The following SLC6A12 variants were observed in gnomAD, a reference collection of about 807,000 sequenced individuals.
SLC6A12 encodes the protein sodium- and chloride-dependent betaine transporter.
Under a neutral mutation model 73.3 loss-of-function variants are expected in SLC6A12, and 50 were observed. That is an observed-to-expected ratio of 0.68 (90% CI 0.54 to 0.86). The LOEUF (loss-of-function observed/expected upper bound fraction) is 0.86. SLC6A12 is among the 40% of genes least tolerant of loss of function. SLC6A12 has a pLI of 0.00. For missense variants in SLC6A12, 648 were observed against 772.8 expected (o/e 0.84, Z 1.92); for synonymous variants, 304 against 309.2 (o/e 0.98, Z 0.18).
intron 7 of SLC6A12, chr12:199,893 T>C (rs1451665660): frequency 6.6e-6 from 1 of 152,238 alleles, no homozygotes; most frequent in East Asian, 1.9e-4. Flanking sequence ...ATTATCTTGC[T>C]ATGTTGTTAA....
At chr12:200,106 C>CTT (rs33929668) in intron 7 of SLC6A12, among the ~76,000 whole-genome samples, 209 of 104,518 alleles carry the variant, frequency 2.0e-3, no homozygotes, top group Middle Eastern at 5.7e-3. Context: ...CCTGAATATT[C>CTT]TTTTTTTTTT....
chr12:187,589 C>CAAAAGAGCAAAAAAAAAAAAAAAAAAAAA (rs1939453849), downstream of SLC6A12, among the ~76,000 whole-genome samples: 2 of 106,072 alleles, frequency 1.9e-5, no homozygotes, highest in Admixed American at 1.0e-4. Context: ...TGCAAAAGAG[C>CAAAAGAGCAAAAAAAAAAAAAAAAAAAAA]AAAAAAAAAA....
At position 193,374 on chromosome 12, in the gene SLC6A12, G is replaced by T; in HGVS notation, c.1433C>A (p.Ala478Glu). 2 of 1,612,808 alleles carry T rather than the reference G, an allele frequency of 1.2e-6. No individual in the cohort carries two copies. The highest frequency in any genetic ancestry group is 1.7e-6 in the Non-Finnish European group (2 of 1,179,012). The change falls in exon 14 of 16, where the codon GCG becomes GAG. Residue 478 changes from alanine (A) to glutamate (E), a missense_variant. Coordinates refer to ENST00000684302, the MANE Select transcript of SLC6A12 (RefSeq NM_001122848.3). The part of the protein sequence containing the change: ...EVVCISWVYG[A>E]DRFYDNIEDM... ...CTCAATGTTGTCATAGAAACGGTCC[G>T]CCCCTGAGCAGGCATGGCGTGGGAG...
Position 198,766 on chromosome 12 carries a change from C to A in SLC6A12, c.846+31G>T. On this transcript the variant is annotated intron_variant, in intron 8 of 15. Coordinates refer to ENST00000684302, the MANE Select transcript of SLC6A12 (RefSeq NM_001122848.3). The surrounding 1 kb of genome is among the most constrained non-coding windows in gnomAD (Gnocchi z 4.0). ...CAGACCTGGCTGGGTGGGGAAGGCACCTGGGGAAGTGGTCCCAGCACGGTA... is the reference window on the plus strand; with the variant it reads ...CAGACCTGGCTGGGTGGGGAAGGCAACTGGGGAAGTGGTCCCAGCACGGTA... 1 of 1,608,376 alleles carries A rather than the reference C, an allele frequency of 6.2e-7. No individual in the cohort carries two copies. The highest frequency in any genetic ancestry group is 8.5e-7 in the Non-Finnish European group (1 of 1,175,956).
downstream of SLC6A12, among the ~76,000 whole-genome samples, chr12:186,014 A>T (rs1359007916): frequency 6.6e-6 from 1 of 152,218 alleles, no homozygotes; most frequent in Admixed American, 6.5e-5. Flanking sequence ...TGGCAGGGAC[A>T]GACACAGCCA....
rs956490176 is a variant in SLC6A12, at chr12:193,130, G to C, written c.1530+147C>G. 2.5e-5 allele frequency: 16 copies of C among 648,552 alleles called. No homozygotes were observed. The Admixed American group carries it at 3.7e-4, about 15-fold the overall frequency. The allele number at this position is 648,552 out of a possible 1,614,324, so 40.2% of individuals were successfully genotyped here. ...AGATGGCCCCAGAAAGAAGAGCAGG[G>C]AAGGCAACATAGAACAGGAAATGGA... On this transcript the variant is annotated intron_variant, in intron 14 of 15. Coordinates refer to ENST00000684302, the MANE Select transcript of SLC6A12 (RefSeq NM_001122848.3).
chr12:184,759 TAAATAAAA>T, the SLC6A12 span, among the ~76,000 whole-genome samples: 3 of 150,584 alleles, frequency 2.0e-5, no homozygotes, highest in African/African-American at 7.3e-5. Context: ...CAAAAATAAA[TAAATAAAA>T]AAATAAAAAT....
Position 193,531 on chromosome 12 carries a change from CACCCTGTATCCCTGCATG to C in SLC6A12, c.1430-172_1430-155del, listed in dbSNP as rs1405211020. 2.6e-5 allele frequency among the ~76,000 whole-genome samples: 4 copies of C among 152,212 alleles called. No homozygotes were observed. The East Asian group carries it at 7.7e-4, about 29-fold the overall frequency. On this transcript the variant is annotated intron_variant, in intron 13 of 15. Transcript: ENST00000684302. The stretch of plus-strand genomic sequence containing the variant: ...GCACGTGAGTGAGACGCCTCCCTGA[CACCCTGTATCCCTGCATG>C]AGATGCATTCGAGTCACGAGGCAGG...
chr12:191,135 C>A lies in SLC6A12; in HGVS notation c.1778G>T (p.Gly593Val). 7.4e-7 allele frequency: 1 copy of A among 1,344,276 alleles called. No homozygotes were observed. The highest frequency in any genetic ancestry group is 9.7e-7 in the Non-Finnish European group (1 of 1,034,942). The allele number at this position is 1,344,276 out of a possible 1,614,324, so 83.3% of individuals were successfully genotyped here. ...TGTTGGGGAGGGCCCAAAGTTCCGG[C>A]CAGCACTGCCATCCAAGCAGGGATG... ...KQHPCLDGSA[G>V]RNFGPSPTRE... Residue 593 changes from glycine (G) to valine (V), a missense_variant, in exon 16 of 16, where the codon GGC becomes GTC. By Grantham distance (109) the Gly-to-Val change is moderately radical. Coordinates refer to ENST00000684302, the MANE Select transcript of SLC6A12 (RefSeq NM_001122848.3).
intron 9 of SLC6A12, 81 bp from the exon 10 acceptor site, chr12:197,582 C>A: frequency 7.0e-7 from 1 of 1,438,058 alleles, no homozygotes; most frequent in Non-Finnish European, 9.4e-7. Context: ...GAGGAGAGGT[C>A]AAAAGACAGT....
downstream of SLC6A12, among the ~76,000 whole-genome samples, chr12:186,623 T>C (rs1939434347): frequency 6.6e-6 from 1 of 152,232 alleles, no homozygotes; most frequent in African/African-American, 2.4e-5. Context: ...CTGCTGCTGT[T>C]GACCATTAGT....
At chr12:209,707 A>T in intron 3 of SLC6A12, 66 bp downstream of exon 3, 1 of 1,562,342 alleles carries the variant, frequency 6.4e-7, no homozygotes. Flanking sequence ...AGGAGGGCCC[A>T]GGTAGGCACT....
rs909967176 is a variant in SLC6A12 at position 191,209 on chromosome 12, A to C, written c.1704T>G (p.Arg568=). 9.5e-6 allele frequency: 12 copies of C among 1,269,560 alleles called. No individual in the cohort carries two copies. Among genetic ancestry groups the C allele is most frequent in the Non-Finnish European group, 1.0e-5 (10 of 997,740 alleles). The allele number at this position is 1,269,560 out of a possible 1,614,324, so 78.6% of individuals were successfully genotyped here. ...LLKTRGPFRK[R]LRQLITPDSS... ...AGTCAGGGGTGATGAGCTGACGCAGACGCTGTGGAGAGAAGAGGCAGGGAT... is the reference window on the plus strand; with the variant it reads ...AGTCAGGGGTGATGAGCTGACGCAGCCGCTGTGGAGAGAAGAGGCAGGGAT... The change falls in exon 16 of 16, where the codon CGT becomes CGG. Residue 568 remains arginine, a splice_region_variant and synonymous_variant. Coordinates refer to ENST00000684302, the MANE Select transcript of SLC6A12 (RefSeq NM_001122848.3).
chr12:184,707 G>A, the SLC6A12 span, among the ~76,000 whole-genome samples: 4,112 of 152,100 alleles, frequency 0.027, 73 homozygotes, highest in Middle Eastern at 0.071. Flanking sequence ...CTGAGATGGC[G>A]CCACTGCACT....
chr12:195,534 G>A (rs1939821928), intron 12 of SLC6A12, among the ~76,000 whole-genome samples: 1 of 152,252 alleles, frequency 6.6e-6, no homozygotes, highest in Admixed American at 6.5e-5. Context: ...GGCACTGGGA[G>A]ACTGTGGTGG....
intron 9 of SLC6A12, 37 bp from the exon 10 acceptor site, chr12:197,538 G>T: frequency 6.3e-7 from 1 of 1,590,054 alleles, no homozygotes; most frequent in Non-Finnish European, 8.6e-7. Context: ...GGAACGGGGA[G>T]GAAAAGAGAG....
chr12:207,827 C>A (rs1940725468), intron 3 of SLC6A12, among the ~76,000 whole-genome samples: 1 of 152,186 alleles, frequency 6.6e-6, no homozygotes, highest in African/African-American at 2.4e-5. Flanking sequence ...CCTCATTTGG[C>A]CCCCTCATGT....
chr12:202,677 T>G, intron 5 of SLC6A12, 63 bp downstream of exon 5: 1 of 1,545,856 alleles, frequency 6.5e-7, no homozygotes, highest in Non-Finnish European at 8.8e-7. Flanking sequence ...GTTGCTTGGA[T>G]TCACCAGCCA....
In SLC6A12 at chr12:213,049, G is replaced by A. The variant is rs1032969532; in HGVS notation, c.-143+873C>T. Among the ~76,000 whole-genome samples the A allele has an allele frequency of 1.3e-5, 2 of 152,142 alleles. No individual in the cohort carries two copies. Among genetic ancestry groups the A allele is most frequent in the African/African-American group, 2.4e-5 (1 of 41,432 alleles). On this transcript the variant is annotated intron_variant, in intron 1 of 15. Transcript: ENST00000684302. The surrounding 1 kb of genome is among the most constrained non-coding windows in gnomAD (Gnocchi z 5.3). Reference sequence around the variant, plus strand: ...TCTGTTTTCAGGAGCTGGGCATGTCGCCAGAGGCCCAGCTGGGGCTAGCAG... The same window carrying A: ...TCTGTTTTCAGGAGCTGGGCATGTCACCAGAGGCCCAGCTGGGGCTAGCAG...
Sources: allele counts gnomAD v4.1 joint callset (sites outside exome capture counted in the v4.1 genomes callset), GRCh38; gene constraint gnomAD v4.1.1; non-coding constraint Gnocchi (gnomAD v3.1); transcripts MANE v1.5; gene names NCBI Gene and HGNC (gene_info 2026-07-23, HGNC 2026-07-21).